SPDYE10: variants seen among roughly 807,000 people sequenced by gnomAD.
SPDYE10 encodes the protein speedy protein E10.
At chr7:73,155,078 T>TCCGGC in the SPDYE10 span, 2 of 145,166 alleles carry the variant, frequency 1.4e-5, no homozygotes, top group East Asian at 2.0e-4. Flanking sequence ...CTCCCTTTTG[T>TCCGGC]CCGGCCCGGC....
chr7:73,115,246 C>G, the SPDYE10 span, among the ~76,000 whole-genome samples: 2 of 152,160 alleles, frequency 1.3e-5, no homozygotes, highest in Non-Finnish European at 1.5e-5. Context: ...CTCCCTCTTC[C>G]ACTCTCTCTA....
chr7:73,123,798 T>C, the SPDYE10 span, among the ~76,000 whole-genome samples: 13 of 147,748 alleles, frequency 8.8e-5, no homozygotes, highest in African/African-American at 3.3e-4. Context: ...CCTCTCTCTC[T>C]CTCTCTCTCT....
chr7:73,135,406 G>T, the SPDYE10 span, among the ~76,000 whole-genome samples: 8 of 146,266 alleles, frequency 5.5e-5, no homozygotes, highest in East Asian at 1.6e-3. Flanking sequence ...CTTTGTCCAC[G>T]CATTCATTCA....
the SPDYE10 span, among the ~76,000 whole-genome samples, chr7:73,141,070 C>CCACACA: frequency 0.014 from 1,870 of 135,980 alleles, 6 homozygotes; most frequent in Non-Finnish European, 0.019. Flanking sequence ...TCCATTTCTA[C>CCACACA]CACACACACA....
the SPDYE10 span, among the ~76,000 whole-genome samples, chr7:73,153,256 G>A: frequency 0.026 from 312 of 12,172 alleles, no homozygotes; most frequent in Non-Finnish European, 0.034. Flanking sequence ...GCAGTGAGCC[G>A]AGATCGTGCC....
chr7:73,117,770 G>C, the SPDYE10 span, among the ~76,000 whole-genome samples: 4 of 145,460 alleles, frequency 2.7e-5, no homozygotes, highest in South Asian at 2.3e-4. Flanking sequence ...AAAGTTCCTT[G>C]GTTTTCCTTA....
At chr7:73,134,566 A>AAAGAAAGAAAGAAAGAAAGAAACC in the SPDYE10 span, among the ~76,000 whole-genome samples, 1 of 152,138 alleles carries the variant, frequency 6.6e-6, no homozygotes, top group Non-Finnish European at 1.5e-5. Flanking sequence ...AGAAAGAAAG[A>AAAGAAAGAAAGAAAGAAAGAAACC]AACCGTGCAG....
chr7:73,137,436 C>T, the SPDYE10 span, among the ~76,000 whole-genome samples: 7 of 150,216 alleles, frequency 4.7e-5, no homozygotes, highest in Non-Finnish European at 8.8e-5. Context: ...GCAGGAGAAT[C>T]GCTTGAACCT....
the SPDYE10 span, among the ~76,000 whole-genome samples, chr7:73,135,524 C>CTTTCCTTT: frequency 7.4e-6 from 1 of 136,050 alleles, no homozygotes; most frequent in African/African-American, 2.8e-5. Flanking sequence ...TCTTTTCTTT[C>CTTTCCTTT]TTTTCTTTTT....
the SPDYE10 span, among the ~76,000 whole-genome samples, chr7:73,141,186 C>T: frequency 6.6e-6 from 1 of 152,268 alleles, no homozygotes; most frequent in African/African-American, 2.4e-5. Context: ...CAACAGAATC[C>T]ATTCTGGTCA....
chr7:73,150,000 C>T, the SPDYE10 span, among the ~76,000 whole-genome samples: 33 of 9,030 alleles, frequency 3.7e-3, no homozygotes, highest in Admixed American at 0.026. Context: ...GGGAATTCTA[C>T]CAGGACGGTG....
At chr7:73,132,463 C>G in the SPDYE10 span, among the ~76,000 whole-genome samples, 1 of 152,154 alleles carries the variant, frequency 6.6e-6, no homozygotes, top group Non-Finnish European at 1.5e-5. Flanking sequence ...AGCAGGATCC[C>G]TTGAATCCAG....
At chr7:73,111,414 A>T in the SPDYE10 span, among the ~76,000 whole-genome samples, 1 of 140,870 alleles carries the variant, frequency 7.1e-6, no homozygotes, top group Admixed American at 7.0e-5. Flanking sequence ...TTGTTTCGAG[A>T]CAGAATCTTG....
At chr7:73,123,824 T>TCTCTCTCTCTCTCTCTCTCTCTCC in the SPDYE10 span, among the ~76,000 whole-genome samples, 1 of 150,682 alleles carries the variant, frequency 6.6e-6, no homozygotes, top group African/African-American at 2.5e-5. Context: ...TCTCTCTCTC[T>TCTCTCTCTCTCTCTCTCTCTCTCC]CTCTGGCTGG....
the SPDYE10 span, among the ~76,000 whole-genome samples, chr7:73,114,534 ATTTTTTT>A: frequency 3.0e-5 from 4 of 134,596 alleles, no homozygotes; most frequent in African/African-American, 1.1e-4. Flanking sequence ...TTTAAGCCCT[ATTTTTTT>A]TTTTTTTTTT....
At chr7:73,155,357 G>A in the SPDYE10 span, 2 of 360,328 alleles carry the variant, frequency 5.6e-6, no homozygotes, top group East Asian at 1.1e-4. Flanking sequence ...AGCGCGCGGG[G>A]ACGCGGCGCC....
At chr7:73,126,679 T>C in the SPDYE10 span, among the ~76,000 whole-genome samples, 1 of 142,076 alleles carries the variant, frequency 7.0e-6, no homozygotes, top group Admixed American at 6.9e-5. Context: ...ATTTTTTTTC[T>C]TTTTTTTTCT....
the SPDYE10 span, among the ~76,000 whole-genome samples, chr7:73,131,304 A>G: frequency 2.0e-5 from 3 of 148,866 alleles, no homozygotes; most frequent in Admixed American, 2.0e-4. Flanking sequence ...CACTGAGCCC[A>G]GGAGAACAGG....
chr7:73,134,523 A>AATAG, the SPDYE10 span, among the ~76,000 whole-genome samples: 1 of 5,058 alleles, frequency 2.0e-4, no homozygotes, highest in Non-Finnish European at 4.3e-4. Flanking sequence ...AGTATAATAA[A>AATAG]AAAGAAAGAA....
Sources: allele counts gnomAD v4.1 joint callset (sites outside exome capture counted in the v4.1 genomes callset), GRCh38; gene constraint gnomAD v4.1.1; transcripts MANE v1.5; gene names NCBI Gene and HGNC (gene_info 2026-07-23, HGNC 2026-07-21).